The following ARHGAP24 variants were observed in gnomAD, a reference collection of about 807,000 sequenced individuals.
ARHGAP24 encodes rho GTPase-activating protein 24.
A neutral mutation model predicts 76.4 loss-of-function variants in ARHGAP24; 50 were observed. That is an observed-to-expected ratio of 0.65 (90% confidence interval 0.52 to 0.83). The LOEUF is 0.83. ARHGAP24 is among the 40% of genes least tolerant of loss of function. The pLI is 0.00. For missense variants in ARHGAP24, 930 were observed against 914.2 expected (o/e 1.02, Z -0.22); for synonymous variants, 345 against 323.3 (o/e 1.07, Z -0.72).
chr4:85,785,492 T>A (rs964790094), intron 3 of ARHGAP24, among the ~76,000 whole-genome samples: 4 of 151,982 alleles, frequency 2.6e-5, no homozygotes, highest in African/African-American at 9.7e-5. Flanking sequence ...GTTGTTATTT[T>A]GTTTTGTTTT....
chr4:85,478,820 C>A (rs1263299679), intron 1 of ARHGAP24, among the ~76,000 whole-genome samples: 1 of 152,206 alleles, frequency 6.6e-6, no homozygotes, highest in Non-Finnish European at 1.5e-5. Flanking sequence ...TTCGGGAAAA[C>A]TTACCCAATT....
chr4:85,814,624 C>T (rs1481626060), intron 3 of ARHGAP24, among the ~76,000 whole-genome samples: 1 of 152,190 alleles, frequency 6.6e-6, no homozygotes, highest in Non-Finnish European at 1.5e-5. Flanking sequence ...TTGGGCAGCT[C>T]CACCCCTATG....
intron 3 of ARHGAP24, among the ~76,000 whole-genome samples, chr4:85,751,640 T>G (rs1322397705): frequency 1.3e-5 from 2 of 152,190 alleles, no homozygotes; most frequent in Admixed American, 1.3e-4. Context: ...CTGGATAAAA[T>G]GAGAAAACAG....
intron 5 of ARHGAP24, among the ~76,000 whole-genome samples, chr4:85,962,951 A>G (rs1211398564): frequency 6.6e-6 from 1 of 151,836 alleles, no homozygotes. Flanking sequence ...TTCATACCAT[A>G]AAACTGATTG....
chr4:85,616,950 T>C (rs11933485), intron 2 of ARHGAP24, among the ~76,000 whole-genome samples: 5,495 of 151,962 alleles, frequency 0.036, 276 homozygotes, highest in African/African-American at 0.11. Flanking sequence ...AAATAAAGTT[T>C]TTTCTTTAGA....
At chr4:85,796,083 A>C (rs1355835662) in intron 3 of ARHGAP24, among the ~76,000 whole-genome samples, 1 of 152,098 alleles carries the variant, frequency 6.6e-6, no homozygotes, top group Non-Finnish European at 1.5e-5. Flanking sequence ...GGTTGGTGCA[A>C]AAGTTATCAC....
intron 2 of ARHGAP24, among the ~76,000 whole-genome samples, chr4:85,603,342 A>G (rs554917083): frequency 4.7e-4 from 71 of 152,326 alleles, no homozygotes; most frequent in African/African-American, 1.7e-3. Context: ...TCTGCTGCCG[A>G]CAGTTGCAGC....
chr4:85,624,515 A>G (rs1720858537), intron 2 of ARHGAP24, among the ~76,000 whole-genome samples: 2 of 152,122 alleles, frequency 1.3e-5, no homozygotes, highest in South Asian at 4.1e-4. Context: ...TTTTTGTATC[A>G]ATGTTCATCA....
intron 3 of ARHGAP24, among the ~76,000 whole-genome samples, chr4:85,853,390 C>T (rs779695687): frequency 3.3e-5 from 5 of 152,134 alleles, no homozygotes; most frequent in Non-Finnish European, 7.4e-5. Flanking sequence ...TCACAGCTTC[C>T]CTTGGCTAAG....
chr4:85,838,106 T>A (rs1257937992), intron 3 of ARHGAP24, among the ~76,000 whole-genome samples: 1 of 152,214 alleles, frequency 6.6e-6, no homozygotes, highest in East Asian at 1.9e-4. Context: ...ACATTACTTA[T>A]ACACTTTTAA....
chr4:85,995,069 T>C lies in ARHGAP24; in HGVS notation c.1415T>C (p.Met472Thr). 2.5e-6 allele frequency: 4 copies of C among 1,613,878 alleles called. No individual in the cohort carries two copies. The highest frequency in any genetic ancestry group is 3.4e-6 in the Non-Finnish European group (4 of 1,179,996). ...TCACTGAAGGTATCTGGTACCAAAA[T>C]GGGCACGCACAGTGTACAGAATGGA... Reference protein sequence around the residue: ...SSSLKVSGTKMGTHSVQNGTV... With the variant: ...SSSLKVSGTKTGTHSVQNGTV... Residue 472 changes from methionine to threonine, a missense_variant, in exon 9 of 10, where the codon ATG becomes ACG. Coordinates refer to ENST00000395184, the MANE Select transcript of ARHGAP24 (RefSeq NM_001025616.3).
At chr4:85,930,286 CAGAA>C (rs1392689508) in intron 4 of ARHGAP24, 2 of 985,342 alleles carry the variant, frequency 2.0e-6, no homozygotes, top group Non-Finnish European at 1.2e-6. Flanking sequence ...AGTTTGAAGA[CAGAA>C]AGGAAAGGGG....
intron 1 of ARHGAP24, among the ~76,000 whole-genome samples, chr4:85,489,720 G>T (rs1398389078): frequency 6.6e-6 from 1 of 152,182 alleles, no homozygotes; most frequent in African/African-American, 2.4e-5. Flanking sequence ...TAAATACTTA[G>T]ATTTCCTTCC....
At chr4:85,683,440 T>A (rs1723306544) in intron 2 of ARHGAP24, among the ~76,000 whole-genome samples, 1 of 152,160 alleles carries the variant, frequency 6.6e-6, no homozygotes, top group Non-Finnish European at 1.5e-5. Context: ...AAACTTTGAA[T>A]TGTTTGATTG....
At chr4:85,732,694 C>CT (rs5859999) in intron 3 of ARHGAP24, among the ~76,000 whole-genome samples, 93,907 of 136,800 alleles carry the variant, frequency 0.69, 33,792 homozygotes, top group Non-Finnish European at 0.82. Context: ...ATTCAAACTT[C>CT]TTTTTTTTTT....
intron 6 of ARHGAP24, among the ~76,000 whole-genome samples, chr4:85,972,695 T>A (rs1739060260): frequency 6.6e-6 from 1 of 152,218 alleles, no homozygotes; most frequent in Admixed American, 6.5e-5. Context: ...TTAGAATATT[T>A]ACAATATTTT....
chr4:85,481,269 G>A (rs1176167582), intron 1 of ARHGAP24, among the ~76,000 whole-genome samples: 1 of 152,166 alleles, frequency 6.6e-6, no homozygotes, highest in South Asian at 2.1e-4. Context: ...GTTACCCAAG[G>A]TAATGTAGAC....
intron 2 of ARHGAP24, among the ~76,000 whole-genome samples, chr4:85,599,541 G>C (rs1229422769): frequency 6.6e-6 from 1 of 152,074 alleles, no homozygotes; most frequent in Non-Finnish European, 1.5e-5. Context: ...GTTTACCCAG[G>C]TGACTTCCTT....
At chr4:85,689,451 ATC>A (rs1322262297) in intron 2 of ARHGAP24, among the ~76,000 whole-genome samples, 3 of 152,102 alleles carry the variant, frequency 2.0e-5, no homozygotes, top group Admixed American at 6.6e-5. Flanking sequence ...CAGTGGTGCA[ATC>A]TCAGCTCACT....
Sources: gnomAD v4.1 joint callset for allele counts (sites outside exome capture counted in the v4.1 genomes callset) on GRCh38, gnomAD v4.1.1 for gene constraint, MANE v1.5 for transcripts, NCBI Gene and HGNC (gene_info 2026-07-23, HGNC 2026-07-21) for gene names.